The following SRGAP1 variants were observed in gnomAD, a reference collection of about 807,000 sequenced individuals.
The protein encoded by SRGAP1 is SLIT-ROBO Rho GTPase activating protein 1.
Under a neutral mutation model 121.9 loss-of-function variants are expected in SRGAP1, and 43 were observed. The ratio of observed to expected loss-of-function variants is 0.35; its 90% CI spans 0.28 to 0.46. The LOEUF (loss-of-function observed/expected upper bound fraction) is 0.46, where lower values mean the gene tolerates loss of function less well. Ranked by LOEUF, SRGAP1 falls within the 20% of genes least tolerant of loss-of-function variation. The pLI is 1.00. For synonymous variants in SRGAP1, 447 were observed against 485.4 expected (o/e 0.92, Z 1.04); for missense variants, 1,102 against 1,350.9 (o/e 0.82, Z 2.89).
intron 1 of SRGAP1, among the ~76,000 whole-genome samples, chr12:63,943,920 A>G (rs1410848608): frequency 6.6e-6 from 1 of 152,246 alleles, no homozygotes; most frequent in African/African-American, 2.4e-5. Context: ...CCAAGAATGT[A>G]TATTAAATTA....
intron 1 of SRGAP1, among the ~76,000 whole-genome samples, chr12:63,934,725 C>T (rs1427681186): frequency 6.6e-6 from 1 of 152,064 alleles, no homozygotes; most frequent in Non-Finnish European, 1.5e-5. Flanking sequence ...ATACTAACTG[C>T]AATAAGTTAA....
intron 1 of SRGAP1, among the ~76,000 whole-genome samples, chr12:63,893,390 G>A (rs1004679277): frequency 2.0e-5 from 3 of 152,226 alleles, no homozygotes; most frequent in African/African-American, 7.2e-5. Context: ...CCCTGGCTAA[G>A]AAGAGACTGG....
intron 21 of SRGAP1, among the ~76,000 whole-genome samples, chr12:64,140,421 G>A (rs2036938665): frequency 7.0e-6 from 1 of 143,460 alleles, no homozygotes; most frequent in African/African-American, 2.7e-5. Flanking sequence ...ATTTCCTTGA[G>A]CAGTGGTTTG....
At chr12:63,989,002 G>A (rs919930888) in intron 2 of SRGAP1, among the ~76,000 whole-genome samples, 7 of 151,914 alleles carry the variant, frequency 4.6e-5, no homozygotes, top group Non-Finnish European at 7.4e-5. Flanking sequence ...CTAGAGGCGG[G>A]GTTTCGCCAT....
chr12:63,906,459 C>T (rs1471729800), intron 1 of SRGAP1, among the ~76,000 whole-genome samples: 18 of 151,916 alleles, frequency 1.2e-4, no homozygotes, highest in Non-Finnish European at 2.2e-4. Context: ...GGACTACAGG[C>T]GCTGCCACCA....
chr12:64,011,943 T>C (rs2034264151), intron 3 of SRGAP1, among the ~76,000 whole-genome samples: 1 of 151,770 alleles, frequency 6.6e-6, no homozygotes, highest in African/African-American at 2.4e-5. Flanking sequence ...CTACATAAAA[T>C]ACAAAAATTA....
At chr12:63,965,740 T>C (rs2032771854) in intron 1 of SRGAP1, among the ~76,000 whole-genome samples, 1 of 152,236 alleles carries the variant, frequency 6.6e-6, no homozygotes, top group African/African-American at 2.4e-5. Flanking sequence ...AATGGGTGAT[T>C]TCCCTCCTTT....
intron 1 of SRGAP1, among the ~76,000 whole-genome samples, chr12:63,967,504 C>A (rs2032823104): frequency 6.6e-6 from 1 of 152,214 alleles, no homozygotes; most frequent in Admixed American, 6.5e-5. Flanking sequence ...GCATTCGATA[C>A]ATTTTTGTTG....
chr12:63,954,188 A>G (rs1428172297), intron 1 of SRGAP1, among the ~76,000 whole-genome samples: 3 of 152,220 alleles, frequency 2.0e-5, no homozygotes, highest in African/African-American at 7.2e-5. Flanking sequence ...CCTAGGAGAA[A>G]AAGGTTGTAG....
chr12:63,857,298 C>T (rs1486015719), intron 1 of SRGAP1, among the ~76,000 whole-genome samples: 4 of 152,010 alleles, frequency 2.6e-5, no homozygotes, highest in East Asian at 1.9e-4. Flanking sequence ...AGGCTGGTCT[C>T]GAACTCCCGA....
chr12:63,944,747 T>G (rs766410849), intron 1 of SRGAP1, among the ~76,000 whole-genome samples: 26 of 152,168 alleles, frequency 1.7e-4, no homozygotes, highest in Non-Finnish European at 5.9e-5. Context: ...AATAACCCAG[T>G]CGGAAAAGTA....
At chr12:63,944,346 C>T (rs2031968870) in intron 1 of SRGAP1, among the ~76,000 whole-genome samples, 1 of 152,114 alleles carries the variant, frequency 6.6e-6, no homozygotes, top group African/African-American at 2.4e-5. Context: ...CTGGGAAGTC[C>T]AAGATCAAGG....
At chr12:63,985,011 A>G (rs1222547914) in intron 2 of SRGAP1, among the ~76,000 whole-genome samples, 1 of 116,036 alleles carries the variant, frequency 8.6e-6, no homozygotes. Context: ...GTGAGAGTCC[A>G]TCTCAAAAAA....
intron 15 of SRGAP1, among the ~76,000 whole-genome samples, chr12:64,101,548 G>A (rs2036256168): frequency 6.6e-6 from 1 of 152,094 alleles, no homozygotes; most frequent in South Asian, 2.1e-4. Context: ...AAAACCAAAT[G>A]CAACATAAAT....
chr12:64,075,310 C>T (rs902747884), intron 8 of SRGAP1, among the ~76,000 whole-genome samples: 2 of 152,238 alleles, frequency 1.3e-5, no homozygotes, highest in South Asian at 2.1e-4. Flanking sequence ...AGGCACAGAT[C>T]GCTCATGCTA....
intron 8 of SRGAP1, among the ~76,000 whole-genome samples, chr12:64,073,696 TTTTTC>T (rs1000808984): frequency 1.4e-4 from 21 of 151,824 alleles, no homozygotes; most frequent in African/African-American, 5.1e-4. Context: ...TGTATTATTA[TTTTTC>T]TTTTTTTTTT....
At chr12:63,973,788 A>G (rs1262636307) in intron 1 of SRGAP1, among the ~76,000 whole-genome samples, 1 of 152,184 alleles carries the variant, frequency 6.6e-6, no homozygotes, top group Non-Finnish European at 1.5e-5. Flanking sequence ...TTTCCCAAAA[A>G]AGTTTTCCAT....
intron 16 of SRGAP1, among the ~76,000 whole-genome samples, chr12:64,110,611 G>A (rs1290595911): frequency 6.6e-6 from 1 of 152,186 alleles, no homozygotes; most frequent in African/African-American, 2.4e-5. Context: ...GACCCAGAAA[G>A]ATTAACTGTG....
At chr12:64,022,584 G>A (rs2034573558) in intron 4 of SRGAP1, among the ~76,000 whole-genome samples, 1 of 152,146 alleles carries the variant, frequency 6.6e-6, no homozygotes, top group African/African-American at 2.4e-5. Context: ...CCACGGCCTA[G>A]TCAAGTTGAC....
Sources: allele counts gnomAD v4.1 joint callset (sites outside exome capture counted in the v4.1 genomes callset), GRCh38; gene constraint gnomAD v4.1.1; transcripts MANE v1.5; gene names NCBI Gene and HGNC (gene_info 2026-07-23, HGNC 2026-07-21).